NLK: variants seen among roughly 807,000 people sequenced by gnomAD.
NLK encodes serine/threonine-protein kinase NLK.
Under a neutral mutation model 59.0 loss-of-function variants are expected in NLK, and 11 were observed. The ratio of observed to expected loss-of-function variants is 0.19; its 90% confidence interval spans 0.12 to 0.31. The LOEUF is 0.31. Ranked by LOEUF, NLK falls within the 10% of genes least tolerant of loss-of-function variation. NLK has a pLI of 1.00. For missense variants in NLK, 410 were observed against 661.1 expected, an observed-to-expected ratio of 0.62 and a Z score of 4.16; for synonymous variants, 235 against 235.9, an observed-to-expected ratio of 1.00 and a Z score of 0.03.
At chr17:28,152,969 T>C (rs372276590) in intron 3 of NLK, among the ~76,000 whole-genome samples, 52 of 151,804 alleles carry the variant, frequency 3.4e-4, no homozygotes, top group African/African-American at 1.2e-3. Flanking sequence ...TATTTTTTTT[T>C]CCTGTATAAA....
intron 8 of NLK, among the ~76,000 whole-genome samples, chr17:28,187,281 C>T (rs1909153135): frequency 1.3e-5 from 2 of 151,910 alleles, no homozygotes; most frequent in African/African-American, 4.8e-5. Context: ...TCTGAGATCC[C>T]ATGTTTTGTT....
intron 6 of NLK, among the ~76,000 whole-genome samples, chr17:28,172,297 T>C (rs987721693): frequency 6.7e-5 from 10 of 149,452 alleles, no homozygotes; most frequent in Non-Finnish European, 2.9e-5. Flanking sequence ...AATTTATTTA[T>C]TTTAAATTCC....
chr17:28,066,373 C>T (rs1431952571), intron 1 of NLK, among the ~76,000 whole-genome samples: 1 of 152,336 alleles, frequency 6.6e-6, no homozygotes, highest in Non-Finnish European at 1.5e-5. Context: ...ACTGCTCTGA[C>T]AAATACATGA....
intron 1 of NLK, among the ~76,000 whole-genome samples, chr17:28,113,441 A>G (rs555018495): frequency 6.6e-6 from 1 of 152,342 alleles, no homozygotes; most frequent in Admixed American, 6.5e-5. Context: ...GCCCATTTTT[A>G]TGATTATTTC....
At chr17:28,203,338 G>A in the NLK span, among the ~76,000 whole-genome samples, 7 of 152,098 alleles carry the variant, frequency 4.6e-5, no homozygotes, top group Admixed American at 2.0e-4. Flanking sequence ...AAAGATTTCC[G>A]TTCCTCAAAG....
At chr17:28,081,257 G>A (rs1271177849) in intron 1 of NLK, among the ~76,000 whole-genome samples, 5 of 151,800 alleles carry the variant, frequency 3.3e-5, no homozygotes, top group East Asian at 1.9e-4. Context: ...GGAGTGCAGC[G>A]GCGTGCGTGA....
At chr17:28,077,397 C>A (rs111547472) in intron 1 of NLK, among the ~76,000 whole-genome samples, 2 of 152,030 alleles carry the variant, frequency 1.3e-5, no homozygotes, top group African/African-American at 4.8e-5. Context: ...TTCACTACCA[C>A]GAGAACAGTA....
chr17:28,198,289 AT>A (rs1372589365), downstream of NLK, among the ~76,000 whole-genome samples: 1 of 152,072 alleles, frequency 6.6e-6, no homozygotes, highest in Non-Finnish European at 1.5e-5. Flanking sequence ...GATGTGAGCC[AT>A]TCACCCAGCC....
Position 28,123,249 on chromosome 17 carries a change from G to A in NLK, c.588+517G>A, listed in dbSNP as rs550696326. 2.6e-5 allele frequency among the ~76,000 whole-genome samples: 4 copies of A among 152,270 alleles called. No homozygotes were observed. In the South Asian group the frequency reaches 8.3e-4, roughly 32 times the overall value. ...GGTGTGCACTCTCATTTGTCAATCT[G>A]AATGTCTTTTTTAATTCTAAGAATA... On this transcript the variant is annotated intron_variant, in intron 2 of 10. Transcript: ENST00000407008.
intron 1 of NLK, among the ~76,000 whole-genome samples, chr17:28,092,822 CAG>C (rs1280973866): frequency 1.4e-5 from 2 of 144,860 alleles, no homozygotes; most frequent in South Asian, 2.1e-4. Flanking sequence ...TTTATTGAGA[CAG>C]AGTCTCACTT....
intron 7 of NLK, 107 bp from the exon 8 acceptor site, chr17:28,185,072 C>A: frequency 2.1e-6 from 1 of 469,306 alleles, no homozygotes. Flanking sequence ...AGTTTAGACA[C>A]ACATTGCCTT....
At chr17:28,189,860 A>G (rs1322797558) in intron 8 of NLK, among the ~76,000 whole-genome samples, 2 of 152,264 alleles carry the variant, frequency 1.3e-5, no homozygotes, top group East Asian at 3.8e-4. Flanking sequence ...AAACAAGGTT[A>G]TCAAGTATAC....
At chr17:28,064,335 G>A (rs1346658493) in intron 1 of NLK, among the ~76,000 whole-genome samples, 1 of 151,606 alleles carries the variant, frequency 6.6e-6, no homozygotes, top group African/African-American at 2.4e-5. Flanking sequence ...TTTGTGTAGA[G>A]ACGAGATCTC....
rs117169825 is a variant in NLK at position 28,178,920 on chromosome 17, G to A, written c.1150-6259G>A. ...GAACGTCTGCTCGGGACACTTGCAC[G>A]GTCTAGCTGACCCTGCTGTAGCAAC... is the stretch of plus-strand genomic sequence containing the variant. On this transcript the variant is annotated intron_variant, in intron 7 of 10. Coordinates refer to ENST00000407008, the MANE Select transcript of NLK (RefSeq NM_016231.5). 9.6e-3 allele frequency among the ~76,000 whole-genome samples: 1,462 copies of A among 152,254 alleles called. 12 individuals are homozygous for A. Among genetic ancestry groups the A allele is most frequent in the Middle Eastern group, 0.031 (9 of 294 alleles).
intron 1 of NLK, among the ~76,000 whole-genome samples, chr17:28,086,372 G>GA (rs1481947477): frequency 1.3e-5 from 2 of 151,944 alleles, no homozygotes; most frequent in Non-Finnish European, 2.9e-5. Context: ...AGAAGAAAAG[G>GA]AAAATACTGT....
chr17:28,047,426 G>A (rs1009775889), intron 1 of NLK, among the ~76,000 whole-genome samples: 5 of 152,174 alleles, frequency 3.3e-5, no homozygotes, highest in African/African-American at 7.2e-5. Flanking sequence ...GTGCTGTCCT[G>A]TCAACTAATT....
At chr17:28,184,531 G>A (rs1909040106) in intron 7 of NLK, among the ~76,000 whole-genome samples, 1 of 152,126 alleles carries the variant, frequency 6.6e-6, no homozygotes. Context: ...ATAAATAAAT[G>A]TGTATGCCTT....
chr17:28,181,197 G>A (rs534552779), intron 7 of NLK, among the ~76,000 whole-genome samples: 4 of 152,176 alleles, frequency 2.6e-5, no homozygotes, highest in East Asian at 1.9e-4. Context: ...TCGGGAGTTC[G>A]AAACCAGCCT....
rs187013055 is a variant in NLK at position 28,137,703 on chromosome 17, A to G, written c.644+5028A>G. ...AAAATTATTATGCCAGTGCTCACCAAAAATTTAGTGTGGGTTTTGAAACAC... is the reference window on the plus strand; with the variant it reads ...AAAATTATTATGCCAGTGCTCACCAGAAATTTAGTGTGGGTTTTGAAACAC... On this transcript the variant is annotated intron_variant, in intron 3 of 10. Coordinates refer to ENST00000407008, the MANE Select transcript of NLK (RefSeq NM_016231.5). Among the ~76,000 whole-genome samples the G allele has an allele frequency of 1.5e-4, 23 of 152,230 alleles. No individual in the cohort carries two copies. In the East Asian group the frequency reaches 4.0e-3, roughly 27 times the overall value.
Sources: gnomAD v4.1 joint callset for allele counts (sites outside exome capture counted in the v4.1 genomes callset) on GRCh38, gnomAD v4.1.1 for gene constraint, MANE v1.5 for transcripts, NCBI Gene and HGNC (gene_info 2026-07-23, HGNC 2026-07-21) for gene names.